Variants in CCDC192 observed in about 807,000 individuals in gnomAD.
CCDC192 encodes coiled-coil domain-containing protein 192.
At chr5:127,844,381 T>C (rs1356448035) in intron 5 of CCDC192, among the ~76,000 whole-genome samples, 1 of 152,248 alleles carries the variant, frequency 6.6e-6, no homozygotes, top group Non-Finnish European at 1.5e-5. Flanking sequence ...GATATTGTGA[T>C]GGGTAAGACA....
chr5:127,741,361 C>G (rs1488092950), intron 2 of CCDC192, among the ~76,000 whole-genome samples: 1 of 152,142 alleles, frequency 6.6e-6, no homozygotes, highest in Non-Finnish European at 1.5e-5. Flanking sequence ...GCACACCCAG[C>G]CTGTAATTTA....
At chr5:127,728,726 G>GC (rs1752472420) in intron 2 of CCDC192, among the ~76,000 whole-genome samples, 1 of 152,084 alleles carries the variant, frequency 6.6e-6, no homozygotes, top group Admixed American at 6.5e-5. Context: ...TAGGCTAAGT[G>GC]CCCCAATTAA....
chr5:127,723,017 T>G (rs1466434660), intron 2 of CCDC192, among the ~76,000 whole-genome samples: 1 of 152,204 alleles, frequency 6.6e-6, no homozygotes, highest in African/African-American at 2.4e-5. Context: ...TTGTTAGAGA[T>G]TGCATTGAAT....
chr5:127,842,921 A>G (rs1434060348), intron 5 of CCDC192, among the ~76,000 whole-genome samples: 1 of 152,118 alleles, frequency 6.6e-6, no homozygotes, highest in South Asian at 2.1e-4. Flanking sequence ...GCCTTCCTGG[A>G]CATACTGCCT....
chr5:127,747,193 T>G (rs1305295398), intron 2 of CCDC192, among the ~76,000 whole-genome samples: 1 of 151,966 alleles, frequency 6.6e-6, no homozygotes, highest in Admixed American at 6.6e-5. Flanking sequence ...GCCATGCTGG[T>G]GTGCTGCACC....
chr5:127,738,967 G>A (rs1753211513), intron 2 of CCDC192, among the ~76,000 whole-genome samples: 1 of 151,824 alleles, frequency 6.6e-6, no homozygotes, highest in Non-Finnish European at 1.5e-5. Flanking sequence ...TTCCGTTGCT[G>A]GTGAGGAACT....
At chr5:127,866,724 G>A (rs954432149) in intron 5 of CCDC192, among the ~76,000 whole-genome samples, 3 of 151,740 alleles carry the variant, frequency 2.0e-5, no homozygotes, top group Non-Finnish European at 2.9e-5. Context: ...CTTTTAACAC[G>A]GAAAACATGT....
At chr5:127,712,764 G>C (rs1369743409) in intron 2 of CCDC192, among the ~76,000 whole-genome samples, 1 of 152,006 alleles carries the variant, frequency 6.6e-6, no homozygotes, top group Non-Finnish European at 1.5e-5. Context: ...TTTTCTCTTG[G>C]GAAAATACAC....
intron 6 of CCDC192, among the ~76,000 whole-genome samples, chr5:127,922,882 A>G (rs1753760581): frequency 6.6e-6 from 1 of 152,242 alleles, no homozygotes; most frequent in African/African-American, 2.4e-5. Context: ...CTAGCAGGAA[A>G]GACAAGCTGC....
At chr5:127,781,462 G>A (rs1352524471) in intron 3 of CCDC192, among the ~76,000 whole-genome samples, 2 of 152,086 alleles carry the variant, frequency 1.3e-5, no homozygotes, top group African/African-American at 4.8e-5. Flanking sequence ...CCATCCATGA[G>A]CATGGGATGT....
At chr5:127,937,281 C>T (rs947152969) in intron 6 of CCDC192, among the ~76,000 whole-genome samples, 4 of 152,030 alleles carry the variant, frequency 2.6e-5, no homozygotes, top group African/African-American at 9.7e-5. Context: ...TACCCCTTTT[C>T]TGACTGTCCT....
intron 5 of CCDC192, among the ~76,000 whole-genome samples, chr5:127,809,306 AG>A (rs1250471406): frequency 2.7e-5 from 4 of 150,596 alleles, no homozygotes; most frequent in Admixed American, 6.6e-5. Flanking sequence ...TAGAAATATC[AG>A]GAAAAAAAAT....
At chr5:127,839,695 C>G (rs1750198582) in intron 5 of CCDC192, among the ~76,000 whole-genome samples, 1 of 152,068 alleles carries the variant, frequency 6.6e-6, no homozygotes, top group Non-Finnish European at 1.5e-5. Context: ...AATGACTGTA[C>G]AGCCTCGTGA....
At chr5:127,715,598 G>GT (rs1168891496) in intron 2 of CCDC192, among the ~76,000 whole-genome samples, 3 of 152,134 alleles carry the variant, frequency 2.0e-5, no homozygotes, top group African/African-American at 7.2e-5. Flanking sequence ...TTTCAGTATT[G>GT]TTTTTTCTAT....
intron 2 of CCDC192, among the ~76,000 whole-genome samples, chr5:127,742,284 C>T (rs1753462490): frequency 6.6e-6 from 1 of 152,194 alleles, no homozygotes; most frequent in Admixed American, 6.5e-5. Flanking sequence ...TCCATGCCAA[C>T]AACCTTTTTA....
chr5:127,720,806 C>T (rs1487084326), intron 2 of CCDC192, among the ~76,000 whole-genome samples: 1 of 152,210 alleles, frequency 6.6e-6, no homozygotes. Flanking sequence ...AGGCTTACAA[C>T]TTGTACCCTC....
chr5:127,817,029 A>T (rs1749056465), intron 5 of CCDC192, among the ~76,000 whole-genome samples: 1 of 152,196 alleles, frequency 6.6e-6, no homozygotes, highest in South Asian at 2.1e-4. Flanking sequence ...TGATAATGTG[A>T]TATTATTAGT....
intron 3 of CCDC192, among the ~76,000 whole-genome samples, chr5:127,792,936 C>A (rs1310819610): frequency 1.3e-5 from 2 of 152,014 alleles, no homozygotes; most frequent in African/African-American, 4.8e-5. Flanking sequence ...CAGATATAAG[C>A]TGGCAGATAA....
At chr5:127,732,612 G>C (rs1463133980) in intron 2 of CCDC192, among the ~76,000 whole-genome samples, 1 of 152,194 alleles carries the variant, frequency 6.6e-6, no homozygotes. Flanking sequence ...ATCAATGATA[G>C]ACTGGATAAA....
Sources: allele counts gnomAD v4.1 joint callset (sites outside exome capture counted in the v4.1 genomes callset), GRCh38; gene constraint gnomAD v4.1.1; transcripts MANE v1.5; gene names NCBI Gene and HGNC (gene_info 2026-07-23, HGNC 2026-07-21).